The following RYR1 variants were observed in gnomAD, a reference collection of about 807,000 sequenced individuals.
RYR1 encodes the protein ryanodine receptor 1.
Under a neutral mutation model 583.5 loss-of-function variants are expected in RYR1, and 342 were observed. The ratio of observed to expected loss-of-function variants is 0.59; its 90% CI spans 0.54 to 0.64. The LOEUF is 0.64. RYR1 is among the 30% of genes least tolerant of loss of function. The pLI is 0.00. For missense variants in RYR1, 6,032 were observed against 6,917.2 expected, an observed-to-expected ratio of 0.87 and a Z score of 4.54; for synonymous variants, 2,791 against 2,822.5, an observed-to-expected ratio of 0.99 and a Z score of 0.35.
chr19:38,512,592 TG>T lies in RYR1; in HGVS notation c.9472+110del. ...GTGTTTGAATGTGTGGATTTCTTGC[TG>T]TAAGCAAAGCATGCAGTCAGTACCT... On this transcript the variant is annotated intron_variant, in intron 63 of 105. Transcript: ENST00000359596. The surrounding 1 kb of genome is among the most constrained non-coding windows in gnomAD (Gnocchi z 5.1). 9.2e-7 allele frequency: 1 copy of T among 1,083,742 alleles called. No homozygotes were observed. The highest frequency in any genetic ancestry group is 1.4e-6 in the Non-Finnish European group (1 of 715,612). 67.1% of individuals were successfully genotyped at this position (1,083,742 alleles called of 1,614,324 possible).
chr19:38,463,035 T>A (rs1360438270), intron 20 of RYR1, among the ~76,000 whole-genome samples: 2 of 148,962 alleles, frequency 1.3e-5, no homozygotes, highest in African/African-American at 4.9e-5. Flanking sequence ...TAACTGGGAC[T>A]ACAGGTGCGC....
Position 38,534,756 on chromosome 19 carries a change from C to G in RYR1, c.11296C>G (p.Gln3766Glu), listed in dbSNP as rs765270379. ...GGAGAAGCAGAGGCTCTTGTACCAGCAAGCACGGCTGCACACCCGGGGGGC... is the reference window on the plus strand; with the variant it reads ...GGAGAAGCAGAGGCTCTTGTACCAGGAAGCACGGCTGCACACCCGGGGGGC... The part of the protein sequence containing the change: ...QMEKQRLLYQ[Q>E]ARLHTRGAAE... Residue 3766 changes from glutamine (Q) to glutamate (E), a missense_variant, in exon 79 of 106, where the codon CAA (glutamine) becomes GAA (glutamate). Physicochemically the swap from Gln to Glu is conservative, Grantham distance 29. Around this residue, in one of 11 missense-constraint regions of RYR1, gnomAD observed 1,493 missense variants for 1,715.5 expected, o/e 0.87. Transcript: ENST00000359596. 6.2e-7 allele frequency: 1 copy of G among 1,614,048 alleles called. No individual in the cohort carries two copies. Among genetic ancestry groups the G allele is most frequent in the East Asian group, 2.2e-5 (1 of 44,874 alleles).
In RYR1 at chr19:38,453,310, G is replaced by A. The variant is rs115697801; in HGVS notation, c.1440+296G>A. ...GAGAGAAGGATGGAATAAAAGAGCT[G>A]AGGGGCGGGGCCTATGTGAAGCTCA... On this transcript the variant is annotated intron_variant, in intron 13 of 105. Coordinates refer to ENST00000359596, the MANE Select transcript of RYR1 (RefSeq NM_000540.3). Among the ~76,000 whole-genome samples the A allele has an allele frequency of 0.022, 3,405 of 151,940 alleles. 134 individuals are homozygous for A. The highest frequency in any genetic ancestry group is 0.077 in the African/African-American group (3,182 of 41,422).
chr19:38,495,246 C>T (rs1454528382), intron 39 of RYR1, among the ~76,000 whole-genome samples: 6 of 152,154 alleles, frequency 3.9e-5, no homozygotes, highest in Non-Finnish European at 5.9e-5. Flanking sequence ...TCAGTGAGCT[C>T]ATGCGAATAA....
chr19:38,463,139 C>CT (rs1967857769), intron 20 of RYR1, among the ~76,000 whole-genome samples: 1 of 57,290 alleles, frequency 1.7e-5, no homozygotes, highest in African/African-American at 1.0e-4. Context: ...CTCAGGCGAT[C>CT]TGCCCCCCCC....
chr19:38,455,400 A>G (rs1239175807), intron 14 of RYR1, 30 bp downstream of exon 14: 4 of 1,613,992 alleles, frequency 2.5e-6, no homozygotes, highest in Non-Finnish European at 3.4e-6. Context: ...CTCCCCTGAG[A>G]ACACCCCAGA....
In RYR1 at chr19:38,497,006, A is replaced by G. The variant is rs771295824; in HGVS notation, c.6891+52A>G. The stretch of plus-strand genomic sequence containing the variant: ...GCCTAAGGGAGGAAATCGGGCCGCT[A>G]CCCGGCTGCTTGGGACACCTGCTGA... On this transcript the variant is annotated intron_variant, in intron 42 of 105. Coordinates refer to ENST00000359596, the MANE Select transcript of RYR1 (RefSeq NM_000540.3). 2.0e-6 allele frequency: 3 copies of G among 1,509,524 alleles called. No individual in the cohort carries two copies. The Admixed American group carries it at 5.1e-5, about 26-fold the overall frequency. 93.5% of individuals were successfully genotyped at this position (1,509,524 alleles called of 1,614,324 possible).
chr19:38,468,270 C>T (rs1019159591), intron 25 of RYR1, among the ~76,000 whole-genome samples: 1 of 152,002 alleles, frequency 6.6e-6, no homozygotes, highest in Non-Finnish European at 1.5e-5. Flanking sequence ...AACCATGCAT[C>T]CATCCATGCA....
chr19:38,549,497 T>C (rs572620017), intron 89 of RYR1, among the ~76,000 whole-genome samples: 58 of 152,190 alleles, frequency 3.8e-4, no homozygotes, highest in African/African-American at 1.3e-3. Context: ...TGGAATATGG[T>C]GAGTCCTCAA....
chr19:38,468,363 T>C (rs1441584409), intron 25 of RYR1, among the ~76,000 whole-genome samples: 1 of 152,150 alleles, frequency 6.6e-6, no homozygotes, highest in Admixed American at 6.6e-5. Flanking sequence ...CAACTGTCCA[T>C]CCATCCATCC....
In RYR1 at chr19:38,510,636, T is replaced by G. The variant is rs746030032; in HGVS notation, c.9001-24T>G. 1.9e-6 allele frequency: 3 copies of G among 1,614,072 alleles called. No individual in the cohort carries two copies. The East Asian group carries it at 6.7e-5, about 36-fold the overall frequency. On this transcript the variant is annotated intron_variant, in intron 59 of 105. Transcript: ENST00000359596. ...CTCTCCCCACCCCTCATTGGACCCT[T>G]TATCTCCCCCAACCCGTCTCCAGAT... is the stretch of plus-strand genomic sequence containing the variant.
intron 2 of RYR1, among the ~76,000 whole-genome samples, chr19:38,441,763 G>T (rs1972699107): frequency 6.6e-6 from 1 of 151,966 alleles, no homozygotes; most frequent in Non-Finnish European, 1.5e-5. Context: ...GAGTCTGAGC[G>T]AGTGGGGTCT....
intron 48 of RYR1, 40 bp downstream of exon 48, chr19:38,502,767 GCA>G (rs768805664): frequency 1.1e-5 from 9 of 846,470 alleles, no homozygotes; most frequent in East Asian, 2.9e-5. Flanking sequence ...AGGGGCAGGG[GCA>G]GGGGCAGGGG....
In RYR1 at chr19:38,537,863, C is replaced by G. The variant is rs886038314; in HGVS notation, c.11609-17C>G. 2.5e-6 allele frequency: 4 copies of G among 1,613,136 alleles called. No homozygotes were observed. The highest frequency in any genetic ancestry group is 2.7e-5 in the African/African-American group (2 of 74,886). ...CATCTGACCCCTCCTGGGCCCTGTC[C>G]CCTCCCTTCCACCTAGGAGAGAAGG... is the stretch of plus-strand genomic sequence containing the variant. On this transcript the variant is annotated splice_polypyrimidine_tract_variant and intron_variant, in intron 83 of 105. Coordinates refer to ENST00000359596, the MANE Select transcript of RYR1 (RefSeq NM_000540.3).
intron 66 of RYR1, 48 bp from the exon 67 acceptor site, chr19:38,519,166 C>T (rs1487814095): frequency 1.9e-6 from 3 of 1,613,474 alleles, no homozygotes; most frequent in Non-Finnish European, 2.5e-6. Context: ...AGTTTGGGGC[C>T]TGTGTCAGAG....
chr19:38,546,366 G>A lies in RYR1; in HGVS notation c.12013-79G>A, dbSNP rs531659468. ...AGAAAACGGGTTTAGGCCCTGCTGG[G>A]TAGGTGAGGAGGGGGAGAAGCAACA... is the stretch of plus-strand genomic sequence containing the variant. On this transcript the variant is annotated intron_variant, in intron 87 of 105. Coordinates refer to ENST00000359596, the MANE Select transcript of RYR1 (RefSeq NM_000540.3). 6.4e-6 allele frequency: 8 copies of A among 1,240,840 alleles called. No homozygotes were observed. In the South Asian group the frequency reaches 9.6e-5, roughly 15 times the overall value. The allele number at this position is 1,240,840 out of a possible 1,614,324, so 76.9% of individuals were successfully genotyped here.
chr19:38,504,172 T>G lies in RYR1; in HGVS notation c.7927-48T>G, dbSNP rs535302154. 1.0e-5 allele frequency: 16 copies of G among 1,576,142 alleles called. No homozygotes were observed. In the East Asian group the frequency reaches 3.5e-4, roughly 34 times the overall value. On this transcript the variant is annotated intron_variant, in intron 49 of 105. Coordinates refer to ENST00000359596, the MANE Select transcript of RYR1 (RefSeq NM_000540.3). ...CTCTGGGCCTTCGTCTGCCTGCCATTCGCTGGTGCCCCCCTCATTTGTGTG... is the reference window on the plus strand; with the variant it reads ...CTCTGGGCCTTCGTCTGCCTGCCATGCGCTGGTGCCCCCCTCATTTGTGTG...
intron 31 of RYR1, among the ~76,000 whole-genome samples, chr19:38,479,439 ACT>A (rs1490340256): frequency 6.6e-6 from 1 of 152,032 alleles, no homozygotes; most frequent in Non-Finnish European, 1.5e-5. Flanking sequence ...ACAGGGCCTC[ACT>A]CTGTCCCCCA....
At chr19:38,513,323 C>T (rs942020730) in intron 63 of RYR1, among the ~76,000 whole-genome samples, 2 of 151,454 alleles carry the variant, frequency 1.3e-5, no homozygotes, top group Non-Finnish European at 2.9e-5. Context: ...GGCAACAGAG[C>T]GAGACTCCAT....
Sources: allele counts gnomAD v4.1 joint callset (sites outside exome capture counted in the v4.1 genomes callset), GRCh38; gene constraint gnomAD v4.1.1; regional missense constraint gnomAD v4.1.1; non-coding constraint Gnocchi (gnomAD v3.1); transcripts MANE v1.5; gene names NCBI Gene and HGNC (gene_info 2026-07-23, HGNC 2026-07-21).